Variants in CA10 observed in about 807,000 individuals in gnomAD.
CA10 encodes carbonic anhydrase-related protein 10.
Under a neutral mutation model 44.2 loss-of-function variants are expected in CA10, and 14 were observed. That is an observed-to-expected ratio of 0.32 (90% CI 0.21 to 0.50). CA10 has a LOEUF of 0.50. CA10 is among the 20% of genes least tolerant of loss of function. The probability of loss-of-function intolerance (pLI) is 0.99; values close to 1 mark genes in which losing one functional copy is unlikely to be tolerated. For synonymous variants in CA10, 159 were observed against 141.6 expected (o/e 1.12, Z -0.87); for missense variants, 350 against 409.7 (o/e 0.85, Z 1.26).
chr17:51,935,915 C>T (rs1343955372), intron 2 of CA10, among the ~76,000 whole-genome samples: 5 of 152,128 alleles, frequency 3.3e-5, no homozygotes, highest in Non-Finnish European at 7.4e-5. Flanking sequence ...AGAGTTAAAA[C>T]TGGCCTTGAC....
At chr17:51,634,537 C>A (rs1912738694) in intron 7 of CA10, among the ~76,000 whole-genome samples, 2 of 152,086 alleles carry the variant, frequency 1.3e-5, no homozygotes, top group Admixed American at 6.5e-5. Flanking sequence ...GTAATTTATC[C>A]CCCTCTCAAT....
chr17:51,945,759 A>G (rs1983249562), intron 2 of CA10, among the ~76,000 whole-genome samples: 2 of 152,034 alleles, frequency 1.3e-5, no homozygotes, highest in Admixed American at 1.3e-4. Context: ...CGACTCCCTT[A>G]TCAGGTAGGC....
intron 4 of CA10, among the ~76,000 whole-genome samples, chr17:51,684,680 C>T (rs1307058320): frequency 6.6e-6 from 1 of 152,168 alleles, no homozygotes; most frequent in African/African-American, 2.4e-5. Context: ...TTAATTTGCT[C>T]ACTATGAGAT....
intron 4 of CA10, among the ~76,000 whole-genome samples, chr17:51,730,705 T>C (rs1051733344): frequency 1.8e-4 from 28 of 152,142 alleles, no homozygotes; most frequent in African/African-American, 6.3e-4. Context: ...AGCACAAAAA[T>C]TAAATAATAT....
At chr17:51,765,567 C>T (rs1437415711) in intron 3 of CA10, among the ~76,000 whole-genome samples, 4 of 152,006 alleles carry the variant, frequency 2.6e-5, no homozygotes, top group African/African-American at 7.3e-5. Context: ...ACAATAAATT[C>T]CTTCATTATA....
At position 51,795,123 on chromosome 17, in the gene CA10, T is replaced by A. The variant is rs1471796759; in HGVS notation, c.280-47305A>T. ...TCATTGTGTGGGTGGGAGGATAAAATGTGTGTAAAGTACCCGGCCCAGAGT... is the reference window on the plus strand; with the variant it reads ...TCATTGTGTGGGTGGGAGGATAAAAAGTGTGTAAAGTACCCGGCCCAGAGT... On this transcript the variant is annotated intron_variant, in intron 3 of 8. Transcript: ENST00000451037. 5.3e-5 allele frequency among the ~76,000 whole-genome samples: 8 copies of A among 152,190 alleles called. No homozygotes were observed. In the East Asian group the frequency reaches 1.3e-3, roughly 26 times the overall value.
chr17:51,920,969 T>C (rs1476174132), intron 3 of CA10, among the ~76,000 whole-genome samples: 4 of 152,150 alleles, frequency 2.6e-5, no homozygotes, highest in African/African-American at 9.7e-5. Context: ...CTACTCAGAG[T>C]ACAATATACC....
chr17:51,879,802 A>G (rs1457385415), intron 3 of CA10, among the ~76,000 whole-genome samples: 1 of 152,178 alleles, frequency 6.6e-6, no homozygotes, highest in Non-Finnish European at 1.5e-5. Flanking sequence ...CACATTAGGG[A>G]GGAGAATTCT....
chr17:51,944,709 G>A (rs79293564), intron 2 of CA10, among the ~76,000 whole-genome samples: 1,830 of 152,178 alleles, frequency 0.012, 27 homozygotes, highest in African/African-American at 0.042. Context: ...AATGTGGATA[G>A]ATGTTATCTC....
rs903976636 is a variant in CA10 at position 51,983,803 on chromosome 17, T to C, written c.137-52671A>G. 2.0e-5 allele frequency among the ~76,000 whole-genome samples: 3 copies of C among 151,762 alleles called. No individual in the cohort carries two copies. The South Asian group carries it at 6.2e-4, about 31-fold the overall frequency. On this transcript the variant is annotated intron_variant, in intron 2 of 8. Transcript: ENST00000451037. Reference sequence around the variant, plus strand: ...ACTTTGTTAGTCCCTCACACTGTCATGATTGGAGATAAAATTTTTAAAATC... The same window carrying C: ...ACTTTGTTAGTCCCTCACACTGTCACGATTGGAGATAAAATTTTTAAAATC...
intron 1 of CA10, among the ~76,000 whole-genome samples, chr17:52,092,976 A>G (rs906689307): frequency 1.3e-5 from 2 of 152,202 alleles, no homozygotes; most frequent in African/African-American, 4.8e-5. Context: ...AAAACAACGT[A>G]TAGTAGGTCC....
chr17:52,035,854 G>A (rs1986603336), intron 2 of CA10, among the ~76,000 whole-genome samples: 1 of 152,256 alleles, frequency 6.6e-6, no homozygotes, highest in East Asian at 1.9e-4. Context: ...GGTCAGGGAA[G>A]TATCCTGCTT....
At chr17:51,903,988 G>A (rs757113968) in intron 3 of CA10, among the ~76,000 whole-genome samples, 8 of 151,860 alleles carry the variant, frequency 5.3e-5, no homozygotes, top group African/African-American at 1.4e-4. Context: ...TGTGGGAAAC[G>A]TATGGTCTGG....
intron 1 of CA10, among the ~76,000 whole-genome samples, chr17:52,102,408 AGAG>A (rs1490299858): frequency 1.3e-5 from 2 of 152,252 alleles, no homozygotes; most frequent in African/African-American, 4.8e-5. Context: ...GAAAAATTCT[AGAG>A]AAGACAGAGA....
chr17:51,957,938 G>A (rs1322948958), intron 2 of CA10, among the ~76,000 whole-genome samples: 1 of 151,892 alleles, frequency 6.6e-6, no homozygotes, highest in Non-Finnish European at 1.5e-5. Context: ...CCTCCCTTGT[G>A]TATATTCCCA....
rs1267697584 is a variant in CA10, at chr17:51,630,579, T to C, written c.*1005A>G. ...GCTGAAGCTCACCTCATGTGAATGA[T>C]TGAGCCATGGAGTGGAATTAAAGTC... On this transcript the variant is annotated 3_prime_UTR_variant, in exon 9 of 9. Transcript: ENST00000451037. The C allele has an allele frequency of 1.3e-5, 2 of 152,624 alleles. No homozygotes were observed. The highest frequency in any genetic ancestry group is 4.8e-5 in the African/African-American group (2 of 41,452). The allele number at this position is 152,624 out of a possible 1,614,324, so 9.5% of individuals were successfully genotyped here. A position where few individuals can be genotyped will look rare whatever the true frequency, so the allele number is the denominator to read the frequency against.
chr17:51,656,694 A>G (rs746614056), intron 4 of CA10, among the ~76,000 whole-genome samples: 3 of 152,244 alleles, frequency 2.0e-5, no homozygotes, highest in Non-Finnish European at 2.9e-5. Flanking sequence ...AGCAGCAGCC[A>G]CAGCATCTAG....
intron 3 of CA10, among the ~76,000 whole-genome samples, chr17:51,908,024 G>C (rs1981633830): frequency 6.6e-6 from 1 of 152,180 alleles, no homozygotes. Flanking sequence ...TCAATAAATA[G>C]TGAGTAAATG....
At chr17:52,151,799 C>T (rs190813015) in intron 1 of CA10, among the ~76,000 whole-genome samples, 2 of 152,204 alleles carry the variant, frequency 1.3e-5, no homozygotes, top group East Asian at 3.9e-4. Flanking sequence ...CTATACCTCA[C>T]ATTTTACAGA....
Sources: gnomAD v4.1 joint callset for allele counts (sites outside exome capture counted in the v4.1 genomes callset) on GRCh38, gnomAD v4.1.1 for gene constraint, MANE v1.5 for transcripts, NCBI Gene and HGNC (gene_info 2026-07-23, HGNC 2026-07-21) for gene names.